Variants in CRK observed in about 807,000 individuals in gnomAD.
CRK encodes CRK proto-oncogene, adaptor protein.
In CRK, 4 loss-of-function variants were observed where a neutral mutation model predicts 29.8. That is an observed-to-expected ratio of 0.13 (90% CI 0.07 to 0.31). CRK has a LOEUF of 0.31. Among genes scored for constraint, CRK ranks in the 10% least tolerant of loss-of-function variants. The pLI, the probability that CRK is intolerant of heterozygous loss-of-function variation, is 1.00. For synonymous variants in CRK, 153 were observed against 164.9 expected (o/e 0.93, Z 0.55); for missense variants, 274 against 396.5 (o/e 0.69, Z 2.62).
intron 1 of CRK, among the ~76,000 whole-genome samples, chr17:1,439,731 T>C (rs2073919414): frequency 6.6e-6 from 1 of 152,016 alleles, no homozygotes; most frequent in Non-Finnish European, 1.5e-5. Context: ...TAGTCCCAGC[T>C]ACTCAGGACA....
chr17:1,425,571 T>C (rs2073770729), intron 2 of CRK, among the ~76,000 whole-genome samples: 2 of 152,222 alleles, frequency 1.3e-5, no homozygotes, highest in African/African-American at 4.8e-5. Flanking sequence ...ATTACAGGCA[T>C]GAGCCTCCAC....
intron 2 of CRK, among the ~76,000 whole-genome samples, chr17:1,430,010 G>A (rs962790487): frequency 6.6e-6 from 1 of 151,060 alleles, no homozygotes; most frequent in Non-Finnish European, 1.5e-5. Context: ...TCAAATATAC[G>A]GAGATGAGAT....
In CRK at chr17:1,428,858, T is replaced by C. The variant is rs552772877; in HGVS notation, c.778-5208A>G. Among the ~76,000 whole-genome samples the C allele has an allele frequency of 6.0e-5, 9 of 150,520 alleles. No homozygotes were observed. In the East Asian group the frequency reaches 1.8e-3, roughly 30 times the overall value. ...TTAATGTACAGATTCTCTCTCTTTT[T>C]TTTTTAGATGGAGCCTCACTCTTGT... is the stretch of plus-strand genomic sequence containing the variant. On this transcript the variant is annotated intron_variant, in intron 2 of 2. Transcript: ENST00000300574.
At chr17:1,424,527 CT>C in intron 2 of CRK, 1 of 152,382 alleles carries the variant, frequency 6.6e-6, no homozygotes. Context: ...CCAGGCAAGC[CT>C]TTTCCCATAT....
intron 2 of CRK, among the ~76,000 whole-genome samples, chr17:1,432,319 T>C (rs1275860748): frequency 1.3e-5 from 2 of 150,962 alleles, no homozygotes; most frequent in Non-Finnish European, 2.9e-5. Flanking sequence ...CGAAATCCCA[T>C]CTCTACTAAA....
At chr17:1,441,779 T>C (rs952955230) in intron 1 of CRK, among the ~76,000 whole-genome samples, 7 of 152,130 alleles carry the variant, frequency 4.6e-5, no homozygotes, top group Non-Finnish European at 1.0e-4. Flanking sequence ...CGTGAGCCAC[T>C]GTGCCCGGCC....
At chr17:1,448,882 A>G (rs758127520) in intron 1 of CRK, among the ~76,000 whole-genome samples, 1 of 151,726 alleles carries the variant, frequency 6.6e-6, no homozygotes, top group African/African-American at 2.4e-5. Context: ...TTTTTTCTCT[A>G]TTTTTAAAAA....
chr17:1,435,118 G>A (rs1191300295), intron 2 of CRK, among the ~76,000 whole-genome samples: 3 of 152,066 alleles, frequency 2.0e-5, no homozygotes, highest in African/African-American at 7.2e-5. Context: ...GGAGTGCAGT[G>A]TCATGATCTC....
At chr17:1,431,466 A>C (rs1039691240) in intron 2 of CRK, among the ~76,000 whole-genome samples, 7 of 152,166 alleles carry the variant, frequency 4.6e-5, no homozygotes, top group African/African-American at 1.7e-4. Context: ...TCACGCCTGT[A>C]ATCTCAGCAC....
At chr17:1,451,147 C>T (rs1402286770) in intron 1 of CRK, among the ~76,000 whole-genome samples, 1 of 128,750 alleles carries the variant, frequency 7.8e-6, no homozygotes, top group Non-Finnish European at 1.6e-5. Flanking sequence ...GAGCCGAGGT[C>T]GTGCCACTAT....
At chr17:1,448,551 A>G (rs2073992612) in intron 1 of CRK, among the ~76,000 whole-genome samples, 1 of 135,516 alleles carries the variant, frequency 7.4e-6, no homozygotes, top group Non-Finnish European at 1.5e-5. Flanking sequence ...TGAACCTGGG[A>G]GGCAGAGCTT....
intron 2 of CRK, among the ~76,000 whole-genome samples, chr17:1,425,664 G>A (rs188730189): frequency 6.6e-6 from 1 of 152,356 alleles, no homozygotes; most frequent in African/African-American, 2.4e-5. Flanking sequence ...AATGTACGCA[G>A]GCACATCTAC....
At chr17:1,426,080 C>A (rs187578830) in intron 2 of CRK, among the ~76,000 whole-genome samples, 63 of 152,104 alleles carry the variant, frequency 4.1e-4, no homozygotes, top group Non-Finnish European at 8.7e-4. Flanking sequence ...TGCTGGTGTG[C>A]GCCTGTGGTC....
intron 1 of CRK, among the ~76,000 whole-genome samples, chr17:1,446,566 T>A (rs894767628): frequency 4.0e-5 from 6 of 150,580 alleles, no homozygotes; most frequent in African/African-American, 1.5e-4. Context: ...AATGCCACAA[T>A]AGCGTGAACT....
chr17:1,433,138 A>C (rs2073859518), intron 2 of CRK, among the ~76,000 whole-genome samples: 1 of 152,248 alleles, frequency 6.6e-6, no homozygotes, highest in African/African-American at 2.4e-5. Flanking sequence ...AAGATTACCC[A>C]GCTGATCAAT....
At chr17:1,455,074 G>A (rs1197304480) in intron 1 of CRK, among the ~76,000 whole-genome samples, 2 of 152,172 alleles carry the variant, frequency 1.3e-5, no homozygotes, top group Non-Finnish European at 2.9e-5. Flanking sequence ...ACAGGGAAGG[G>A]TCTGTTTCCA....
intron 2 of CRK, among the ~76,000 whole-genome samples, chr17:1,427,158 G>A (rs1022509817): frequency 3.4e-5 from 5 of 147,260 alleles, no homozygotes; most frequent in East Asian, 4.2e-4. Flanking sequence ...AGGTATCATC[G>A]TATGCACCTG....
chr17:1,434,385 C>T (rs1338344040), intron 2 of CRK, among the ~76,000 whole-genome samples: 1 of 152,172 alleles, frequency 6.6e-6, no homozygotes, highest in East Asian at 1.9e-4. Flanking sequence ...GTGTGAGTCA[C>T]AAAGATCTCT....
chr17:1,435,291 A>C (rs977357563), intron 2 of CRK, among the ~76,000 whole-genome samples: 6 of 152,010 alleles, frequency 3.9e-5, no homozygotes, highest in Non-Finnish European at 7.4e-5. Context: ...AGCTCAAGTG[A>C]TCTGCCCACC....
Sources: allele counts gnomAD v4.1 joint callset (sites outside exome capture counted in the v4.1 genomes callset), GRCh38; gene constraint gnomAD v4.1.1; transcripts MANE v1.5; gene names NCBI Gene and HGNC (gene_info 2026-07-23, HGNC 2026-07-21).